Variants in NOL4 observed in about 807,000 individuals in gnomAD.
NOL4 encodes the protein cancer/testis antigen 125.
A neutral mutation model predicts 75.9 loss-of-function variants in NOL4; 17 were observed. The ratio of observed to expected loss-of-function variants is 0.22; its 90% confidence interval spans 0.15 to 0.34. The LOEUF (loss-of-function observed/expected upper bound fraction) is 0.34. Among genes scored for constraint, NOL4 ranks in the 10% least tolerant of loss-of-function variants. The pLI, the probability that NOL4 is intolerant of heterozygous loss-of-function variation, is 1.00. For missense variants in NOL4, 614 were observed against 793.5 expected (o/e 0.77, Z 2.72); for synonymous variants, 292 against 289.9 (o/e 1.01, Z -0.07).
intron 1 of NOL4, among the ~76,000 whole-genome samples, chr18:34,133,793 G>A (rs1268979294): frequency 1.3e-5 from 2 of 152,126 alleles, no homozygotes; most frequent in Non-Finnish European, 2.9e-5. Flanking sequence ...GGAGGCTAAG[G>A]AAGGCAGATC....
At chr18:34,136,438 C>T (rs2041035261) in intron 1 of NOL4, among the ~76,000 whole-genome samples, 2 of 151,958 alleles carry the variant, frequency 1.3e-5, no homozygotes, top group South Asian at 4.1e-4. Context: ...ATGACATGAT[C>T]TCATATATAG....
intron 9 of NOL4, among the ~76,000 whole-genome samples, chr18:33,897,700 C>T (rs2144926019): frequency 6.6e-6 from 1 of 152,164 alleles, no homozygotes; most frequent in Middle Eastern, 3.4e-3. Context: ...GTACAACAAA[C>T]TCCCATGACA....
In NOL4 at chr18:33,958,725, C is replaced by A. The variant is rs955537604; in HGVS notation, c.1057-307G>T. On this transcript the variant is annotated intron_variant, in intron 6 of 10. Transcript: ENST00000261592. Reference sequence around the variant, plus strand: ...AGTGTTTCCTCTCAATACTCATATTCCAAATAAAAAAGCAATCTGTAATCG... The same window carrying A: ...AGTGTTTCCTCTCAATACTCATATTACAAATAAAAAAGCAATCTGTAATCG... Among the ~76,000 whole-genome samples, 3 of 152,024 alleles carry A rather than the reference C, an allele frequency of 2.0e-5. No homozygotes were observed. In the East Asian group the frequency reaches 5.8e-4, roughly 29 times the overall value.
At chr18:33,947,656 T>C (rs1244161502) in intron 8 of NOL4, among the ~76,000 whole-genome samples, 1 of 151,836 alleles carries the variant, frequency 6.6e-6, no homozygotes, top group African/African-American at 2.4e-5. Context: ...TACACCTGGA[T>C]TGGGAATATT....
chr18:34,013,077 T>G (rs565512646), intron 6 of NOL4, among the ~76,000 whole-genome samples: 1 of 152,104 alleles, frequency 6.6e-6, no homozygotes, highest in East Asian at 1.9e-4. Flanking sequence ...ATAAAGCTAA[T>G]AACTGTATTT....
At chr18:34,222,010 G>A (rs955441239) in intron 1 of NOL4, 5 of 1,534,048 alleles carry the variant, frequency 3.3e-6, no homozygotes, top group Admixed American at 3.9e-5. Flanking sequence ...TACTCCAGGC[G>A]AGTACCCACC....
chr18:33,904,199 T>C (rs1037790146), intron 9 of NOL4, among the ~76,000 whole-genome samples: 2 of 152,092 alleles, frequency 1.3e-5, no homozygotes, highest in African/African-American at 4.8e-5. Context: ...CTAACTCTCT[T>C]TGCCATAGGG....
At chr18:33,987,947 A>G (rs796905097) in intron 6 of NOL4, among the ~76,000 whole-genome samples, 70 of 152,176 alleles carry the variant, frequency 4.6e-4, no homozygotes, top group African/African-American at 1.6e-3. Context: ...CCCACTCCAC[A>G]TACACTACCC....
At chr18:34,059,231 T>C (rs2076970833) in intron 5 of NOL4, among the ~76,000 whole-genome samples, 1 of 150,628 alleles carries the variant, frequency 6.6e-6, no homozygotes, top group South Asian at 2.1e-4. Context: ...GAGAGTACTG[T>C]CTTCATTTTA....
intron 6 of NOL4, among the ~76,000 whole-genome samples, chr18:33,994,839 C>T (rs1037915863): frequency 1.1e-4 from 17 of 151,256 alleles, no homozygotes; most frequent in African/African-American, 3.1e-4. Flanking sequence ...TAGGCAAAAA[C>T]GAATAAAATC....
At chr18:33,965,363 C>T (rs1234783557) in intron 6 of NOL4, among the ~76,000 whole-genome samples, 1 of 152,028 alleles carries the variant, frequency 6.6e-6, no homozygotes, top group Non-Finnish European at 1.5e-5. Flanking sequence ...AGCATGGTGG[C>T]ATGCATCCCT....
intron 5 of NOL4, chr18:34,023,642 C>A: frequency 3.3e-6 from 1 of 305,704 alleles, no homozygotes; most frequent in Non-Finnish European, 6.9e-6. Flanking sequence ...AATAAGAGTG[C>A]CCAGGGTACC....
At chr18:34,171,448 C>T (rs987273605) in intron 1 of NOL4, among the ~76,000 whole-genome samples, 4 of 152,086 alleles carry the variant, frequency 2.6e-5, no homozygotes, top group African/African-American at 4.8e-5. Flanking sequence ...CTCTTATGAG[C>T]CACCATATCA....
At chr18:34,114,152 C>A (rs924317970) in intron 2 of NOL4, among the ~76,000 whole-genome samples, 22 of 152,012 alleles carry the variant, frequency 1.4e-4, no homozygotes, top group African/African-American at 5.3e-4. Context: ...GTCTTGGACC[C>A]AGTTTTCCAA....
intron 10 of NOL4, among the ~76,000 whole-genome samples, chr18:33,856,808 T>C (rs1157165216): frequency 6.6e-6 from 1 of 152,032 alleles, no homozygotes; most frequent in African/African-American, 2.4e-5. Context: ...GATTACAACA[T>C]TCTCATGGAC....
intron 2 of NOL4, among the ~76,000 whole-genome samples, chr18:34,117,411 A>AC (rs2079912031): frequency 6.6e-6 from 1 of 152,248 alleles, no homozygotes; most frequent in South Asian, 2.1e-4. Flanking sequence ...CTGGGATATT[A>AC]ACCTCACAGC....
chr18:33,918,118 G>A (rs1446002307), intron 9 of NOL4, among the ~76,000 whole-genome samples: 5 of 152,236 alleles, frequency 3.3e-5, no homozygotes, highest in Admixed American at 3.3e-4. Context: ...GGACCCAAAG[G>A]CTTATTTCCC....
chr18:34,174,400 T>A (rs1464495873), intron 1 of NOL4, among the ~76,000 whole-genome samples: 17 of 152,128 alleles, frequency 1.1e-4, no homozygotes. Context: ...ATGTATTTGT[T>A]AAAAAGAAAT....
chr18:33,992,264 T>C (rs1311627185), intron 6 of NOL4, among the ~76,000 whole-genome samples: 1 of 152,044 alleles, frequency 6.6e-6, no homozygotes, highest in East Asian at 1.9e-4. Flanking sequence ...GATATACTGA[T>C]ACATTTCCCT....
Sources: gnomAD v4.1 joint callset for allele counts (sites outside exome capture counted in the v4.1 genomes callset) on GRCh38, gnomAD v4.1.1 for gene constraint, MANE v1.5 for transcripts, NCBI Gene and HGNC (gene_info 2026-07-23, HGNC 2026-07-21) for gene names.